PDE1C: variants seen among roughly 807,000 people sequenced by gnomAD.
PDE1C encodes dual specificity calcium/calmodulin-dependent 3',5'-cyclic nucleotide phosphodiesterase 1C.
A neutral mutation model predicts 93.1 loss-of-function variants in PDE1C; 62 were observed. That is an observed-to-expected ratio of 0.67 (90% CI 0.54 to 0.82). The LOEUF (loss-of-function observed/expected upper bound fraction) is 0.82, where lower values mean the gene tolerates loss of function less well. PDE1C is among the 40% of genes least tolerant of loss of function. The pLI is 0.00. For missense variants in PDE1C, 742 were observed against 884.6 expected (o/e 0.84, Z 2.04); for synonymous variants, 325 against 310.1 (o/e 1.05, Z -0.50).
At chr7:31,880,163 A>T (rs1481790932) in intron 3 of PDE1C, among the ~76,000 whole-genome samples, 2 of 152,234 alleles carry the variant, frequency 1.3e-5, no homozygotes, top group African/African-American at 4.8e-5. Context: ...CACCTTTCGT[A>T]TTCAACATTT....
At chr7:32,346,903 G>A (rs1456315087) in intron 1 of PDE1C, among the ~76,000 whole-genome samples, 1 of 152,190 alleles carries the variant, frequency 6.6e-6, no homozygotes, top group Non-Finnish European at 1.5e-5. Context: ...TCAGAAAGCA[G>A]TTTTGTGGTT....
the PDE1C span, among the ~76,000 whole-genome samples, chr7:31,674,044 T>C: frequency 6.6e-6 from 1 of 152,206 alleles, no homozygotes; most frequent in South Asian, 2.1e-4. Flanking sequence ...ATTGCACAAA[T>C]CTTAAATGAA....
chr7:32,308,241 A>C (rs910773095), intron 1 of PDE1C, among the ~76,000 whole-genome samples: 2 of 152,226 alleles, frequency 1.3e-5, no homozygotes, highest in Admixed American at 6.5e-5. Flanking sequence ...GGGAAGCTCA[A>C]ACTGGGTGGA....
At chr7:32,244,399 A>G (rs1162687918) in intron 1 of PDE1C, among the ~76,000 whole-genome samples, 1 of 152,238 alleles carries the variant, frequency 6.6e-6, no homozygotes, top group Non-Finnish European at 1.5e-5. Flanking sequence ...AAGCACTCTC[A>G]GTATTCCAGA....
chr7:32,357,313 A>G (rs1179163392), intron 1 of PDE1C, among the ~76,000 whole-genome samples: 1 of 150,158 alleles, frequency 6.7e-6, no homozygotes, highest in Admixed American at 6.6e-5. Context: ...CAACCTGGGC[A>G]ACAGAGCGAG....
chr7:31,642,833 A>G, the PDE1C span: 1 of 1,613,896 alleles, frequency 6.2e-7, no homozygotes, highest in Non-Finnish European at 8.5e-7. Flanking sequence ...TTTTCAAGCC[A>G]AGAAGCGAAT....
intron 14 of PDE1C, among the ~76,000 whole-genome samples, chr7:31,821,960 G>A (rs1057408034): frequency 1.3e-5 from 2 of 152,090 alleles, no homozygotes; most frequent in Non-Finnish European, 2.9e-5. Flanking sequence ...AATGTGAGAT[G>A]TTGTGTTTGG....
intron 1 of PDE1C, among the ~76,000 whole-genome samples, chr7:32,391,596 T>C (rs1784752200): frequency 6.6e-6 from 1 of 152,128 alleles, no homozygotes; most frequent in African/African-American, 2.4e-5. Context: ...TGCTAGGGCA[T>C]AAAAAAATCA....
intron 2 of PDE1C, among the ~76,000 whole-genome samples, chr7:32,032,221 G>A (rs1790426418): frequency 6.6e-6 from 1 of 152,196 alleles, no homozygotes; most frequent in Non-Finnish European, 1.5e-5. Context: ...TGGGGTCCTG[G>A]AGAGAAGAGG....
the PDE1C span, among the ~76,000 whole-genome samples, chr7:31,650,471 A>C: frequency 1.3e-5 from 2 of 152,164 alleles, no homozygotes; most frequent in Non-Finnish European, 2.9e-5. Flanking sequence ...GAGAGAAAGT[A>C]AGAGTTAAAC....
chr7:32,183,976 A>T (rs1803647701), intron 2 of PDE1C, among the ~76,000 whole-genome samples: 1 of 152,206 alleles, frequency 6.6e-6, no homozygotes, highest in Non-Finnish European at 1.5e-5. Context: ...CCCCATCAAA[A>T]AGTGGGCAAA....
chr7:32,065,296 G>A (rs931737159), intron 1 of PDE1C, among the ~76,000 whole-genome samples: 1 of 152,122 alleles, frequency 6.6e-6, no homozygotes, highest in African/African-American at 2.4e-5. Context: ...TGGGCTGCCC[G>A]GAAGACTCCT....
At chr7:32,089,809 T>A (rs1797362074) in intron 3 of PDE1C, among the ~76,000 whole-genome samples, 1 of 152,194 alleles carries the variant, frequency 6.6e-6, no homozygotes, top group African/African-American at 2.4e-5. Context: ...GGACCCCAGA[T>A]AAGAAACCTA....
chr7:31,753,788 T>C (rs1794264352), intron 17 of PDE1C, among the ~76,000 whole-genome samples: 1 of 152,206 alleles, frequency 6.6e-6, no homozygotes, highest in Admixed American at 6.5e-5. Context: ...CAGTGATAAC[T>C]GCAGTACATA....
At chr7:31,873,820 G>T (rs1583714077) in intron 5 of PDE1C, among the ~76,000 whole-genome samples, 1 of 152,188 alleles carries the variant, frequency 6.6e-6, no homozygotes, top group African/African-American at 2.4e-5. Flanking sequence ...ACAAACATAG[G>T]TTGGATGCCT....
intron 1 of PDE1C, among the ~76,000 whole-genome samples, chr7:32,366,283 A>G (rs769312802): frequency 1.3e-5 from 2 of 152,212 alleles, no homozygotes; most frequent in Admixed American, 6.5e-5. Flanking sequence ...TTCAATGACT[A>G]AATAAAAAGT....
chr7:31,977,197 G>C (rs1321751667), intron 2 of PDE1C, among the ~76,000 whole-genome samples: 2 of 152,056 alleles, frequency 1.3e-5, no homozygotes, highest in Non-Finnish European at 2.9e-5. Context: ...ATTAGGATTG[G>C]GTAAAGTCAT....
chr7:32,000,160 T>A (rs1337414209), intron 2 of PDE1C, among the ~76,000 whole-genome samples: 3 of 152,176 alleles, frequency 2.0e-5, no homozygotes, highest in African/African-American at 7.2e-5. Context: ...TGTACTAATG[T>A]AAACTGGGCT....
In PDE1C at chr7:32,251,321, T is replaced by G. The variant is rs529816384; in HGVS notation, c.86-41782A>C. Among the ~76,000 whole-genome samples the G allele has an allele frequency of 9.2e-5, 14 of 152,312 alleles. No individual in the cohort carries two copies. In the East Asian group the frequency reaches 2.7e-3, roughly 29 times the overall value. On this transcript the variant is annotated intron_variant, in intron 1 of 18. Coordinates refer to the PDE1C transcript ENST00000396193. ...CTACTTTGACCTGCACGTTTGAAGC[T>G]GGGGTGGCCCACTCTAAACATAGCA...
Sources: gnomAD v4.1 joint callset for allele counts (sites outside exome capture counted in the v4.1 genomes callset) on GRCh38, gnomAD v4.1.1 for gene constraint, MANE v1.5 for transcripts, NCBI Gene and HGNC (gene_info 2026-07-23, HGNC 2026-07-21) for gene names.